TTC14: variants seen among roughly 807,000 people sequenced by gnomAD.
TTC14 encodes the protein tetratricopeptide repeat protein 14.
A neutral mutation model predicts 79.9 loss-of-function variants in TTC14; 63 were observed. The observed-to-expected ratio is 0.79, with a 90% CI of 0.64 to 0.97. The LOEUF (loss-of-function observed/expected upper bound fraction) is 0.97, where lower values mean the gene tolerates loss of function less well. Among genes scored for constraint, TTC14 ranks in the 50% least tolerant of loss-of-function variants. The pLI is 0.00. For synonymous variants in TTC14, 335 were observed against 309.6 expected, an observed-to-expected ratio of 1.08 and a Z score of -0.86; for missense variants, 895 against 894.0, an observed-to-expected ratio of 1.00 and a Z score of -0.01.
chr3:180,603,998 C>A (rs1261700301), intron 3 of TTC14: 2 of 547,866 alleles, frequency 3.7e-6, no homozygotes, highest in Non-Finnish European at 6.5e-6. Flanking sequence ...ATATTTGGTT[C>A]CTAAACTAAT....
At chr3:180,616,974 A>G in intron 12 of TTC14, 1 of 1,269,664 alleles carries the variant, frequency 7.9e-7, no homozygotes, top group Non-Finnish European at 1.1e-6. Context: ...GCTCTGTAGA[A>G]AAAATATTAA....
At chr3:180,616,831 T>C in intron 12 of TTC14, 8 of 1,610,478 alleles carry the variant, frequency 5.0e-6, no homozygotes, top group Non-Finnish European at 6.8e-6. Flanking sequence ...GATACCTGTT[T>C]GGTCACTCTT....
chr3:180,603,165 A>C lies in TTC14; in HGVS notation c.328A>C (p.Ile110Leu), dbSNP rs2108389597. Residue 110 changes from isoleucine (I) to leucine (L), a missense_variant, in exon 3 of 12, where the codon ATA becomes CTA. Transcript: ENST00000296015. The stretch of plus-strand genomic sequence containing the variant: ...GCCACCTTTAGAGCAATTCATGGAG[A>C]TACCTAGTATGGATCGGAGAGAGCT... ...IMPPLEQFMEIPSMDRRELFF... is the reference protein window; with the variant it reads ...IMPPLEQFMELPSMDRRELFF... 1.9e-6 allele frequency: 3 copies of C among 1,613,858 alleles called. No homozygotes were observed. The highest frequency in any genetic ancestry group is 2.2e-5 in the East Asian group (1 of 44,858).
At position 180,610,623 on chromosome 3, in the gene TTC14, A is replaced by T; in HGVS notation, c.*81A>T. 2.0e-6 allele frequency: 3 copies of T among 1,491,956 alleles called. No individual in the cohort carries two copies. The highest frequency in any genetic ancestry group is 2.7e-6 in the Non-Finnish European group (3 of 1,127,028). 92.4% of individuals were successfully genotyped at this position (1,491,956 alleles called of 1,614,324 possible). ...TGTATTAGTCATAACAGTTGAGTGC[A>T]GAAATCTCTGCTTCTAAAATTATTT... On this transcript the variant is annotated 3_prime_UTR_variant, in exon 12 of 12. Transcript: ENST00000296015.
rs367883666 is a variant in TTC14 at position 180,604,619 on chromosome 3, G to T, written c.701+12G>T. ...CCTTTATACTACAGGTAATTTATCCGTATTATTTCAACAACAGTTCATTAC... is the reference window on the plus strand; with the variant it reads ...CCTTTATACTACAGGTAATTTATCCTTATTATTTCAACAACAGTTCATTAC... On this transcript the variant is annotated intron_variant, in intron 5 of 11. Coordinates refer to ENST00000296015, the MANE Select transcript of TTC14 (RefSeq NM_133462.4). 4.4e-6 allele frequency: 7 copies of T among 1,589,912 alleles called. No homozygotes were observed. Among genetic ancestry groups the T allele is most frequent in the Non-Finnish European group, 6.0e-6 (7 of 1,172,624 alleles).
At chr3:180,616,658 T>C in intron 12 of TTC14, 2 of 1,593,012 alleles carry the variant, frequency 1.3e-6, no homozygotes, top group Non-Finnish European at 1.7e-6. Context: ...ATCTTTTGTG[T>C]CTTTCAAAAG....
intron 12 of TTC14, chr3:180,616,141 G>C (rs528651383): frequency 1.4e-6 from 1 of 707,028 alleles, no homozygotes; most frequent in Non-Finnish European, 2.5e-6. Context: ...ATGCTGACTA[G>C]TGAGATGTCT....
chr3:180,616,918 T>C, intron 12 of TTC14: 1 of 1,533,478 alleles, frequency 6.5e-7, no homozygotes, highest in Non-Finnish European at 9.0e-7. Flanking sequence ...AACTTTTCTT[T>C]AACATTATTT....
chr3:180,610,204 A>G lies in TTC14; in HGVS notation c.1975A>G (p.Arg659Gly), dbSNP rs766739446. ...KDIEGRKEHYRRWEPGSVRHS... is the reference protein window; with the variant it reads ...KDIEGRKEHYGRWEPGSVRHS... ...TATAGAGGGAAGAAAAGAGCACTAT[A>G]GAAGGTGGGAACCAGGTTCTGTGAG... The change falls in exon 12 of 12, where the codon AGA (arginine) becomes GGA (glycine). Residue 659 changes from arginine to glycine, a missense_variant. Transcript: ENST00000296015. The G allele has an allele frequency of 6.2e-7, 1 of 1,614,046 alleles. No individual in the cohort carries two copies. The highest frequency in any genetic ancestry group is 8.5e-7 in the Non-Finnish European group (1 of 1,179,932).
rs1174525702 is a variant in TTC14, at chr3:180,610,400, CAG to C, written c.2174_2175del (p.Glu725GlyfsTer9). 3 of 1,613,606 alleles carry C rather than the reference CAG, an allele frequency of 1.9e-6. No individual in the cohort carries two copies. Among genetic ancestry groups the C allele is most frequent in the African/African-American group, 1.3e-5 (1 of 74,870 alleles). On this transcript the variant is annotated frameshift_variant, in exon 12 of 12. Coordinates refer to ENST00000296015, the MANE Select transcript of TTC14 (RefSeq NM_133462.4). LOFTEE classifies it high-confidence loss of function. ...GACAATTATGGGGAGGATATCAAAACAGAGGTTCCAGAAGAAGATGCACTAAG... is the reference window on the plus strand; with the variant it reads ...GACAATTATGGGGAGGATATCAAAACAGGTTCCAGAAGAAGATGCACTAAG...
At chr3:180,606,690 G>C (rs1156306367) in intron 9 of TTC14, 87 bp downstream of exon 9, 1 of 1,450,412 alleles carries the variant, frequency 6.9e-7, no homozygotes, top group South Asian at 1.4e-5. Flanking sequence ...AGTTTCTTAA[G>C]CACTTAATTT....
In TTC14 at chr3:180,604,919, T is replaced by A; in HGVS notation, c.769T>A (p.Phe257Ile). 1.2e-6 allele frequency: 2 copies of A among 1,614,130 alleles called. No homozygotes were observed. Among genetic ancestry groups the A allele is most frequent in the African/African-American group, 2.7e-5 (2 of 75,074 alleles). Residue 257 changes from phenylalanine (F) to isoleucine (I), a missense_variant, in exon 6 of 12, where the codon TTT becomes ATT. Physicochemically the swap from Phe to Ile is conservative, Grantham distance 21. Coordinates refer to ENST00000296015, the MANE Select transcript of TTC14 (RefSeq NM_133462.4). Reference sequence around the variant, plus strand: ...AAATGTCATGCAGAGTTCCTTGGGATTTGTTAATCCAGGAGTAGTTGAATT... The same window carrying A: ...AAATGTCATGCAGAGTTCCTTGGGAATTGTTAATCCAGGAGTAGTTGAATT... ...YENVMQSSLGFVNPGVVEFLL... is the reference protein window; with the variant it reads ...YENVMQSSLGIVNPGVVEFLL...
At chr3:180,614,654 T>C (rs958975891), downstream of TTC14, 5 of 338,546 alleles carry the variant, frequency 1.5e-5, no homozygotes, top group Admixed American at 9.6e-5. Context: ...TTTCTAACAC[T>C]ACGAACATCA....
intron 12 of TTC14, chr3:180,617,263 A>T: frequency 2.1e-6 from 1 of 470,340 alleles, no homozygotes; most frequent in East Asian, 3.2e-5. Flanking sequence ...CTGCATTGCC[A>T]GTCATATAAA....
At chr3:180,617,721 A>G in exon 13 of TTC14, 1 of 383,748 alleles carries the variant, frequency 2.6e-6, no homozygotes, top group Non-Finnish European at 4.6e-6. Context: ...TCATCACAAA[A>G]GAGTAAAAAA....
chr3:180,613,421 T>C (rs1717102294), downstream of TTC14, among the ~76,000 whole-genome samples: 1 of 152,214 alleles, frequency 6.6e-6, no homozygotes, highest in Admixed American at 6.5e-5. Flanking sequence ...TAGATTCGTA[T>C]GCTGGCCCAA....
chr3:180,612,095 A>G (rs375880183), downstream of TTC14, among the ~76,000 whole-genome samples: 4 of 151,256 alleles, frequency 2.6e-5, no homozygotes, highest in East Asian at 7.7e-4. Context: ...TAAGAAATTC[A>G]TCTTAAAAAG....
exon 13 of TTC14, chr3:180,617,717 CA>C (rs1717300947): frequency 2.6e-6 from 1 of 384,996 alleles, no homozygotes; most frequent in Admixed American, 4.5e-5. Context: ...AATGTCATCA[CA>C]AAAGAGTAAA....
In TTC14 at chr3:180,611,062, A is replaced by G. The variant is rs1716977273; in HGVS notation, c.*520A>G. 1.0e-6 allele frequency: 1 copy of G among 963,146 alleles called. No homozygotes were observed. Among genetic ancestry groups the G allele is most frequent in the South Asian group, 4.8e-5 (1 of 20,852 alleles). 59.7% of individuals were successfully genotyped at this position (963,146 alleles called of 1,614,324 possible). ...TGCCCAATTTTTTTTAAAATTTTTA[A>G]ATGGTAGATTATATGTCTTAATTTT... On this transcript the variant is annotated 3_prime_UTR_variant, in exon 12 of 12. Transcript: ENST00000296015.
Sources: allele counts gnomAD v4.1 joint callset (sites outside exome capture counted in the v4.1 genomes callset), GRCh38; gene constraint gnomAD v4.1.1; transcripts MANE v1.5; gene names NCBI Gene and HGNC (gene_info 2026-07-23, HGNC 2026-07-21).